Variants in GOLGA5 observed in about 807,000 individuals in gnomAD.
The protein encoded by GOLGA5 is golgin subfamily A member 5.
GOLGA5 carries 50 observed loss-of-function variants against 93.5 expected under a neutral mutation model. The observed-to-expected ratio is 0.53, with a 90% CI of 0.43 to 0.68. The LOEUF (loss-of-function observed/expected upper bound fraction) is 0.68, where lower values mean the gene tolerates loss of function less well. Ranked by LOEUF, GOLGA5 falls within the 30% of genes least tolerant of loss-of-function variation. GOLGA5 has a pLI of 0.00. For missense variants in GOLGA5, 760 were observed against 856.4 expected (o/e 0.89, Z 1.40); for synonymous variants, 312 against 304.5 (o/e 1.02, Z -0.26).
At chr14:92,830,333 C>A (rs1595603675) in intron 9 of GOLGA5, among the ~76,000 whole-genome samples, 1 of 151,914 alleles carries the variant, frequency 6.6e-6, no homozygotes, top group Non-Finnish European at 1.5e-5. Context: ...CAAAAGCAAG[C>A]TTGTCCGACC....
chr14:92,813,777 G>A (rs1314583711), intron 6 of GOLGA5, among the ~76,000 whole-genome samples: 1 of 152,158 alleles, frequency 6.6e-6, no homozygotes, highest in Non-Finnish European at 1.5e-5. Flanking sequence ...ACATGGAAGT[G>A]ATAAGGGGTG....
At chr14:92,832,398 G>A (rs1269007860) in intron 9 of GOLGA5, among the ~76,000 whole-genome samples, 2 of 152,160 alleles carry the variant, frequency 1.3e-5, no homozygotes, top group South Asian at 2.1e-4. Flanking sequence ...CAGAGGAAAC[G>A]TGGCCGGCAT....
At chr14:92,809,094 C>G (rs1410814731) in intron 3 of GOLGA5, among the ~76,000 whole-genome samples, 1 of 152,172 alleles carries the variant, frequency 6.6e-6, no homozygotes, top group East Asian at 1.9e-4. Flanking sequence ...CTTCACGCCC[C>G]TTTCTAATCA....
intron 10 of GOLGA5, 111 bp downstream of exon 10, chr14:92,833,458 T>C (rs1284296876): frequency 1.3e-6 from 1 of 757,702 alleles, no homozygotes; most frequent in Non-Finnish European, 2.2e-6. Context: ...GGACTCAATT[T>C]TCTGATATGA....
intron 6 of GOLGA5, 68 bp downstream of exon 6, chr14:92,811,822 T>C: frequency 1.8e-6 from 2 of 1,091,946 alleles, no homozygotes; most frequent in East Asian, 2.4e-5. Context: ...TTTGAGACTG[T>C]GTAGATACTG....
intron 2 of GOLGA5, among the ~76,000 whole-genome samples, chr14:92,801,245 G>A (rs753398694): frequency 1.1e-4 from 16 of 152,230 alleles, no homozygotes; most frequent in Non-Finnish European, 1.8e-4. Flanking sequence ...GCTTTCTGCA[G>A]AGGTTGTGCC....
chr14:92,803,623 T>C (rs1370909423), intron 2 of GOLGA5, among the ~76,000 whole-genome samples: 1 of 152,220 alleles, frequency 6.6e-6, no homozygotes, highest in African/African-American at 2.4e-5. Flanking sequence ...TCCCCAAGAA[T>C]TTGTCAATGT....
chr14:92,797,976 C>T lies in GOLGA5; in HGVS notation c.539C>T (p.Thr180Ile), dbSNP rs1264214072. 1.9e-6 allele frequency: 3 copies of T among 1,573,854 alleles called. No homozygotes were observed. Among genetic ancestry groups the T allele is most frequent in the African/African-American group, 1.4e-5 (1 of 72,882 alleles). ...GAAGAAAATTCTTTTGGGAGCCAAA[C>T]CCACGGTAGTTAATCAGTCCTCTTA... is the stretch of plus-strand genomic sequence containing the variant. ...TIEENSFGSQ[T>I]HEAASNSDSS... is the part of the protein sequence containing the mutation. The change falls in exon 2 of 13, where the codon ACC (threonine) becomes ATC (isoleucine). Residue 180 changes from threonine to isoleucine, a missense_variant. Coordinates refer to ENST00000163416, the MANE Select transcript of GOLGA5 (RefSeq NM_005113.4).
At position 92,809,509 on chromosome 14, in the gene GOLGA5, G is replaced by A. The variant is rs1365761178; in HGVS notation, c.982G>A (p.Glu328Lys). Reference protein sequence around the residue: ...RTEALEALQSEKSRIMQDQSE... With the variant: ...RTEALEALQSKKSRIMQDQSE... Reference sequence around the variant, plus strand: ...AGAAGCATTAGAAGCCTTACAGAGTGAAAAATCACGGTAGGTGATTCTATG... The same window carrying A: ...AGAAGCATTAGAAGCCTTACAGAGTAAAAAATCACGGTAGGTGATTCTATG... Residue 328 changes from glutamate to lysine, a missense_variant, in exon 4 of 13, where the codon GAA becomes AAA. Physicochemically the swap from Glu to Lys is moderately conservative, Grantham distance 56. Transcript: ENST00000163416. 1 of 1,601,998 alleles carries A rather than the reference G, an allele frequency of 6.2e-7. No homozygotes were observed. The highest frequency in any genetic ancestry group is 1.7e-5 in the Admixed American group (1 of 59,840).
intron 2 of GOLGA5, among the ~76,000 whole-genome samples, chr14:92,800,538 C>T (rs1385974488): frequency 6.6e-6 from 1 of 152,190 alleles, no homozygotes; most frequent in African/African-American, 2.4e-5. Flanking sequence ...ACTGTTTATG[C>T]AATTAAACCC....
intron 2 of GOLGA5, among the ~76,000 whole-genome samples, chr14:92,802,749 C>A (rs967593068): frequency 6.6e-6 from 1 of 150,838 alleles, no homozygotes; most frequent in African/African-American, 2.4e-5. Flanking sequence ...TTTAATAAAT[C>A]AATTTATTTA....
At chr14:92,834,848 C>G (rs538751436) in intron 10 of GOLGA5, among the ~76,000 whole-genome samples, 2 of 152,038 alleles carry the variant, frequency 1.3e-5, no homozygotes, top group African/African-American at 4.8e-5. Flanking sequence ...AAGAGGAGGC[C>G]GGAGGTGGGT....
At chr14:92,828,886 C>G (rs1885472533) in intron 9 of GOLGA5, among the ~76,000 whole-genome samples, 1 of 152,170 alleles carries the variant, frequency 6.6e-6, no homozygotes, top group Non-Finnish European at 1.5e-5. Context: ...GCAGGTTGGT[C>G]TCTAACTCCT....
chr14:92,800,980 A>G (rs1884858705), intron 2 of GOLGA5, among the ~76,000 whole-genome samples: 1 of 152,222 alleles, frequency 6.6e-6, no homozygotes, highest in African/African-American at 2.4e-5. Flanking sequence ...GGCCAAATTA[A>G]TTCAATAGTG....
At chr14:92,833,783 AAGAT>A (rs1292264935) in intron 10 of GOLGA5, among the ~76,000 whole-genome samples, 1 of 152,228 alleles carries the variant, frequency 6.6e-6, no homozygotes, top group Non-Finnish European at 1.5e-5. Context: ...AATAATGTGT[AAGAT>A]AGTATAAGCA....
chr14:92,810,181 T>C, intron 4 of GOLGA5, 73 bp from the exon 5 acceptor site: 1 of 1,048,952 alleles, frequency 9.5e-7, no homozygotes, highest in South Asian at 1.5e-5. Context: ...AAGCTGACGC[T>C]CTAAAAATTA....
At chr14:92,798,081 T>TC in intron 2 of GOLGA5, 100 bp downstream of exon 2, 1 of 801,092 alleles carries the variant, frequency 1.2e-6, no homozygotes, top group South Asian at 1.7e-5. Context: ...GGAATCTGTC[T>TC]CCACTGGTGT....
intron 12 of GOLGA5, 113 bp from the exon 13 acceptor site, chr14:92,839,253 C>G: frequency 1.5e-6 from 1 of 683,548 alleles, no homozygotes; most frequent in East Asian, 2.6e-5. Flanking sequence ...CTTCATGTGT[C>G]CCATAGGGGA....
intron 3 of GOLGA5, among the ~76,000 whole-genome samples, chr14:92,808,030 C>T (rs1192945583): frequency 1.3e-5 from 2 of 151,812 alleles, no homozygotes; most frequent in Non-Finnish European, 2.9e-5. Context: ...GTCAGGAGTT[C>T]AAGACCAGTC....
Sources: allele counts gnomAD v4.1 joint callset (sites outside exome capture counted in the v4.1 genomes callset), GRCh38; gene constraint gnomAD v4.1.1; transcripts MANE v1.5; gene names NCBI Gene and HGNC (gene_info 2026-07-23, HGNC 2026-07-21).